ACSM3: variants seen among roughly 807,000 people sequenced by gnomAD.
ACSM3 encodes the protein acyl-coenzyme A synthetase ACSM3, mitochondrial.
In ACSM3, 61 loss-of-function variants were observed where a neutral mutation model predicts 74.1. The ratio of observed to expected loss-of-function variants is 0.82; its 90% CI spans 0.67 to 1.02. The LOEUF (loss-of-function observed/expected upper bound fraction) is 1.02. Ranked by LOEUF, ACSM3 falls within the 50% of genes least tolerant of loss-of-function variation. The pLI, the probability that ACSM3 is intolerant of heterozygous loss-of-function variation, is 0.00. For synonymous variants in ACSM3, 213 were observed against 241.5 expected, an observed-to-expected ratio of 0.88 and a Z score of 1.09; for missense variants, 660 against 697.0, an observed-to-expected ratio of 0.95 and a Z score of 0.60.
At chr16:20,751,139 G>A (rs1279283901) in intron 2 of ACSM3, among the ~76,000 whole-genome samples, 1 of 152,062 alleles carries the variant, frequency 6.6e-6, no homozygotes, top group Non-Finnish European at 1.5e-5. Flanking sequence ...GTCAGATTTT[G>A]GTAGAAAGCC....
chr16:20,703,782 A>T (rs1294992655), intron 1 of ACSM3: 13 of 152,246 alleles, frequency 8.5e-5, no homozygotes, highest in African/African-American at 3.1e-4. Flanking sequence ...TTGGCCTACC[A>T]AAGTGCTGGG....
upstream of ACSM3, among the ~76,000 whole-genome samples, chr16:20,763,138 A>G (rs2080091026): frequency 6.6e-6 from 1 of 152,268 alleles, no homozygotes; most frequent in Non-Finnish European, 1.5e-5. Flanking sequence ...TCACATATCC[A>G]TCAACTATTT....
At chr16:20,730,130 T>C (rs887886635) in intron 1 of ACSM3, among the ~76,000 whole-genome samples, 3 of 152,166 alleles carry the variant, frequency 2.0e-5, no homozygotes, top group African/African-American at 2.4e-5. Context: ...ATGTCTATCA[T>C]TGGAGGTAGG....
chr16:20,711,334 A>G lies in ACSM3; in HGVS notation c.-190+36512A>G, dbSNP rs114390652. 662 of 383,674 alleles carry G rather than the reference A, an allele frequency of 1.7e-3. 4 individuals are homozygous for G. The highest frequency in any genetic ancestry group is 0.013 in the African/African-American group (595 of 47,336). 23.8% of individuals were successfully genotyped at this position (383,674 alleles called of 1,614,324 possible). Reference sequence around the variant, plus strand: ...CTCTCAGGGATCAGAGTCTTGTACAATATCATTGGAGAATCAAGGCAGAGG... The same window carrying G: ...CTCTCAGGGATCAGAGTCTTGTACAGTATCATTGGAGAATCAAGGCAGAGG... On this transcript the variant is annotated intron_variant, in intron 1 of 3. Coordinates refer to the ACSM3 transcript ENST00000561584.
intron 1 of ACSM3, chr16:20,738,833 T>A: frequency 6.4e-7 from 1 of 1,564,604 alleles, no homozygotes; most frequent in Non-Finnish European, 8.7e-7. Context: ...TAAGCAGTAT[T>A]CCCTGAGACA....
intron 1 of ACSM3, among the ~76,000 whole-genome samples, chr16:20,724,716 A>T (rs1037707485): frequency 1.3e-5 from 2 of 152,240 alleles, no homozygotes; most frequent in Non-Finnish European, 2.9e-5. Flanking sequence ...AAAAATCACA[A>T]GCATTCTTAT....
intron 1 of ACSM3, among the ~76,000 whole-genome samples, chr16:20,683,126 AT>A (rs60633738): frequency 0.032 from 4,713 of 148,312 alleles, 129 homozygotes; most frequent in East Asian, 0.094. Context: ...TTATTTATTT[AT>A]TTTTTTTTAA....
Position 20,729,232 on chromosome 16 carries a change from C to T in ACSM3, c.-189-20678C>T, listed in dbSNP as rs559184928. ...CAAATGTCATCTTTGATTCCTAGGA[C>T]AGTCCAGAGAAAACTGCTGCCACGG... On this transcript the variant is annotated intron_variant, in intron 1 of 3. Transcript: ENST00000561584. 54 of 877,030 alleles carry T rather than the reference C, an allele frequency of 6.2e-5. No individual in the cohort carries two copies. In the African/African-American group the frequency reaches 7.7e-4, roughly 13 times the overall value. 54.3% of individuals were successfully genotyped at this position (877,030 alleles called of 1,614,324 possible).
chr16:20,761,764 G>A (rs530589437), upstream of ACSM3, among the ~76,000 whole-genome samples: 7 of 152,278 alleles, frequency 4.6e-5, no homozygotes, highest in East Asian at 1.3e-3. Flanking sequence ...TTTCCAATAA[G>A]ATCTCAGGAA....
rs1025476926 is a variant in ACSM3 at position 20,790,948 on chromosome 16, C to A, written c.1326+260C>A. ...GGAAGGGACCCTAGAAAGAGGACAGCCTCTTAACATCCCCTGATCCTCTCA... is the reference window on the plus strand; with the variant it reads ...GGAAGGGACCCTAGAAAGAGGACAGACTCTTAACATCCCCTGATCCTCTCA... On this transcript the variant is annotated intron_variant, in intron 10 of 13. Coordinates refer to ENST00000289416, the MANE Select transcript of ACSM3 (RefSeq NM_005622.4). The surrounding 1 kb of genome is among the most constrained non-coding windows in gnomAD (Gnocchi z 4.0). 6.2e-7 allele frequency: 1 copy of A among 1,612,888 alleles called. No individual in the cohort carries two copies. Among genetic ancestry groups the A allele is most frequent in the Non-Finnish European group, 8.5e-7 (1 of 1,179,366 alleles).
chr16:20,685,429 T>A, intron 1 of ACSM3: 1 of 1,610,286 alleles, frequency 6.2e-7, no homozygotes, highest in Non-Finnish European at 8.5e-7. Flanking sequence ...TATTATGTGT[T>A]ATTTTCTGCT....
chr16:20,693,234 C>G (rs2079672198), intron 1 of ACSM3, among the ~76,000 whole-genome samples: 1 of 151,944 alleles, frequency 6.6e-6, no homozygotes, highest in East Asian at 1.9e-4. Context: ...TTCCAATGGA[C>G]TGGGATGTGG....
At chr16:20,782,804 C>A (rs1194870845) in intron 7 of ACSM3, among the ~76,000 whole-genome samples, 1 of 152,206 alleles carries the variant, frequency 6.6e-6, no homozygotes, top group African/African-American at 2.4e-5. Flanking sequence ...CACTTACTTA[C>A]ATTTCCCAGC....
At chr16:20,692,068 T>G (rs2079659463) in intron 1 of ACSM3, among the ~76,000 whole-genome samples, 1 of 152,214 alleles carries the variant, frequency 6.6e-6, no homozygotes, top group Non-Finnish European at 1.5e-5. Context: ...CTCCTTTGCC[T>G]GAGACTGGGT....
chr16:20,711,886 A>C (rs972639839), intron 1 of ACSM3, among the ~76,000 whole-genome samples: 1 of 152,150 alleles, frequency 6.6e-6, no homozygotes, highest in Non-Finnish European at 1.5e-5. Context: ...AGTGGTCTAT[A>C]ATGAGTATCC....
chr16:20,708,364 A>C (rs2152372155), intron 1 of ACSM3, among the ~76,000 whole-genome samples: 1 of 152,310 alleles, frequency 6.6e-6, no homozygotes, highest in Non-Finnish European at 1.5e-5. Context: ...TTTTTAATGG[A>C]ATCTTTAGAA....
intron 1 of ACSM3, among the ~76,000 whole-genome samples, chr16:20,714,777 G>A (rs1412242757): frequency 6.6e-6 from 1 of 152,172 alleles, no homozygotes. Context: ...ACATTCAAAT[G>A]TCTAGCAGGT....
At chr16:20,739,172 A>C in intron 1 of ACSM3, 1 of 1,136,448 alleles carries the variant, frequency 8.8e-7, no homozygotes, top group Admixed American at 3.2e-5. Context: ...GTGGCTCAGT[A>C]TTGATTTTTT....
chr16:20,679,265 C>G (rs935360413), intron 1 of ACSM3: 1 of 152,258 alleles, frequency 6.6e-6, no homozygotes, highest in Non-Finnish European at 1.5e-5. Context: ...TTGCCCCACC[C>G]GAATAGACCT....
Sources: allele counts gnomAD v4.1 joint callset (sites outside exome capture counted in the v4.1 genomes callset), GRCh38; gene constraint gnomAD v4.1.1; non-coding constraint Gnocchi (gnomAD v3.1); transcripts MANE v1.5; gene names NCBI Gene and HGNC (gene_info 2026-07-23, HGNC 2026-07-21).